Variants in LONP1 observed in about 807,000 individuals in gnomAD.
LONP1 encodes the protein lon protease homolog, mitochondrial.
A neutral mutation model predicts 98.5 loss-of-function variants in LONP1; 31 were observed. That is an observed-to-expected ratio of 0.31 (90% CI 0.24 to 0.42). LONP1 has a LOEUF of 0.42. LONP1 is among the 20% of genes least tolerant of loss of function. LONP1 has a pLI of 1.00. For missense variants in LONP1, 1,336 were observed against 1,350.6 expected (o/e 0.99, Z 0.17); for synonymous variants, 781 against 594.7 (o/e 1.31, Z -4.56).
chr19:5,694,155 G>C (rs1357765430), intron 15 of LONP1, among the ~76,000 whole-genome samples: 1 of 152,168 alleles, frequency 6.6e-6, no homozygotes, highest in Non-Finnish European at 1.5e-5. Flanking sequence ...TTACCTGTAA[G>C]CCTATCAAAG....
At chr19:5,697,767 T>C (rs7258451) in intron 10 of LONP1, among the ~76,000 whole-genome samples, 2,844 of 124,494 alleles carry the variant, frequency 0.023, 58 homozygotes, top group African/African-American at 0.055. Flanking sequence ...TGTCCTTGTC[T>C]CAGGAACCCA....
chr19:5,707,171 TG>T (rs1204397634), intron 6 of LONP1, 28 bp from the exon 7 acceptor site: 1 of 1,598,544 alleles, frequency 6.3e-7, no homozygotes, highest in Non-Finnish European at 8.6e-7. Context: ...ACAGAAAGGA[TG>T]AGCAGAAGTC....
chr19:5,708,743 G>A (rs1005407476), intron 4 of LONP1: 3 of 228,928 alleles, frequency 1.3e-5, no homozygotes, highest in Middle Eastern at 1.7e-3. Context: ...GCCGGGCGTG[G>A]TGGCTCACGC....
intron 13 of LONP1, among the ~76,000 whole-genome samples, 169 bp downstream of exon 13, chr19:5,695,884 AG>A (rs1341979315): frequency 1.3e-5 from 2 of 152,134 alleles, no homozygotes; most frequent in African/African-American, 4.8e-5. Flanking sequence ...CGCCACCTGC[AG>A]CTGCTCGCAA....
chr19:5,692,093 C>T lies in LONP1; in HGVS notation c.2819G>A (p.Arg940Gln), dbSNP rs558125416. The T allele has an allele frequency of 2.3e-5, 37 of 1,614,142 alleles. 1 individual carries two copies. In the South Asian group the frequency reaches 2.6e-4, roughly 11 times the overall value. ...GLEVHFVEHY[R>Q]EIFDIAFPDE... ...CGGGAAGGCGATGTCGAAGATCTCC[C>T]GGTAGTGTTCCACGAAGTGCACCTC... Residue 940 changes from arginine to glutamine, a missense_variant, in exon 18 of 18, where the codon CGG becomes CAG. Arg to Gln is a conservative substitution (Grantham distance 43, BLOSUM62 1). Coordinates refer to ENST00000360614, the MANE Select transcript of LONP1 (RefSeq NM_004793.4).
At chr19:5,720,174 C>T, upstream of LONP1, 2 of 1,383,930 alleles carry the variant, frequency 1.4e-6, no homozygotes, top group African/African-American at 1.5e-5. Context: ...GCGTCATTTC[C>T]GCTCGCCGCG....
At chr19:5,711,531 C>T (rs1241468180) in intron 4 of LONP1, among the ~76,000 whole-genome samples, 1 of 152,196 alleles carries the variant, frequency 6.6e-6, no homozygotes, top group East Asian at 1.9e-4. Flanking sequence ...AACCCTGTCT[C>T]CTTCCTGAGC....
At chr19:5,697,496 CAGAGGGAGGAGGGGGGGAGAGA>C (rs1189427325) in intron 10 of LONP1, among the ~76,000 whole-genome samples, 14 of 138,782 alleles carry the variant, frequency 1.0e-4, no homozygotes, top group Middle Eastern at 3.6e-3. Flanking sequence ...GAGGCTGAGG[CAGAGGGAGGAGGGGGGGAGAGA>C]AGAGGGAGGA....
chr19:5,708,522 C>T (rs538105981), intron 4 of LONP1, 119 bp from the exon 5 acceptor site: 66 of 425,024 alleles, frequency 1.6e-4, no homozygotes, highest in African/African-American at 1.1e-3. Flanking sequence ...TCCCCTCCGC[C>T]AACTGGCCCT....
In LONP1 at chr19:5,705,900, G is replaced by A; in HGVS notation, c.1239C>T (p.Asp413=). 6.2e-7 allele frequency: 1 copy of A among 1,614,152 alleles called. No individual in the cohort carries two copies. The highest frequency in any genetic ancestry group is 8.5e-7 in the Non-Finnish European group (1 of 1,180,038). The change falls in exon 8 of 18, where the codon GAC becomes GAT. Residue 413 remains aspartate, a synonymous_variant. Coordinates refer to ENST00000360614, the MANE Select transcript of LONP1 (RefSeq NM_004793.4). The part of the protein sequence containing the change: ...IKKELGLEKD[D]KDAIEEKFRE... ...GGAACTTCTCCTCGATGGCATCCTT[G>A]TCGTCCTTCTCCAGGCCCAGCTCCT... is the stretch of plus-strand genomic sequence containing the variant.
At chr19:5,711,646 G>T in intron 4 of LONP1, 125 bp downstream of exon 4, 1 of 748,480 alleles carries the variant, frequency 1.3e-6, no homozygotes, top group Non-Finnish European at 2.2e-6. Flanking sequence ...TTGAGTTCCA[G>T]ACAGGCCAGA....
Position 5,693,282 on chromosome 19 carries a change from G to A in LONP1, c.2703+16C>T, listed in dbSNP as rs1449095410. 2 of 1,602,724 alleles carry A rather than the reference G, an allele frequency of 1.2e-6. No individual in the cohort carries two copies. Among genetic ancestry groups the A allele is most frequent in the East Asian group, 2.2e-5 (1 of 44,594 alleles). On this transcript the variant is annotated intron_variant, in intron 17 of 17. Transcript: ENST00000360614. ...GGGCCCTGCCAGTGCTGTGGGGTGG[G>A]TACAGGGACACTCACCGCAATGGTC...
chr19:5,698,988 G>A, intron 10 of LONP1, 39 bp downstream of exon 10: 3 of 1,569,564 alleles, frequency 1.9e-6, no homozygotes, highest in Non-Finnish European at 2.6e-6. Context: ...CAGCACAGCT[G>A]AGGGGAGTGC....
At chr19:5,703,180 C>CAAAAA (rs35471644) in intron 8 of LONP1, among the ~76,000 whole-genome samples, 44 of 77,086 alleles carry the variant, frequency 5.7e-4, no homozygotes, top group African/African-American at 2.1e-3. Flanking sequence ...GACTCCATCT[C>CAAAAA]AAAAAAAAAA....
rs752895082 is a variant in LONP1 at position 5,696,376 on chromosome 19, G to A, written c.1774-5C>T. The A allele has an allele frequency of 1.2e-6, 2 of 1,612,246 alleles. No individual in the cohort carries two copies. Among genetic ancestry groups the A allele is most frequent in the South Asian group, 2.2e-5 (2 of 91,028 alleles). On this transcript the variant is annotated splice_polypyrimidine_tract_variant and splice_region_variant and intron_variant, in intron 11 of 17. Transcript: ENST00000360614. ...GCCTCGGCCGATCTTGTCCACCTGG[G>A]GCAGCAGACAGCAGGTGGTGCCCCT...
chr19:5,697,662 G>A (rs926234751), intron 10 of LONP1, among the ~76,000 whole-genome samples: 6 of 150,522 alleles, frequency 4.0e-5, no homozygotes, highest in African/African-American at 9.7e-5. Flanking sequence ...GGCTTTGACC[G>A]AGGAACGTGG....
intron 8 of LONP1, among the ~76,000 whole-genome samples, chr19:5,701,475 C>T (rs906901942): frequency 2.3e-4 from 35 of 152,304 alleles, no homozygotes; most frequent in African/African-American, 7.7e-4. Context: ...CGATTGCAGG[C>T]GCGCGCCGCC....
At chr19:5,702,482 T>TG (rs910182449) in intron 8 of LONP1, among the ~76,000 whole-genome samples, 4 of 134,158 alleles carry the variant, frequency 3.0e-5, no homozygotes, top group Admixed American at 7.3e-5. Context: ...GAGGGAGGAG[T>TG]GGGGGTCAGC....
chr19:5,704,403 G>A (rs558495727), intron 8 of LONP1, among the ~76,000 whole-genome samples: 3 of 152,156 alleles, frequency 2.0e-5, no homozygotes, highest in Non-Finnish European at 4.4e-5. Context: ...CACAGCCTTC[G>A]CGCGCAACCA....
Sources: gnomAD v4.1 joint callset for allele counts (sites outside exome capture counted in the v4.1 genomes callset) on GRCh38, gnomAD v4.1.1 for gene constraint, MANE v1.5 for transcripts, NCBI Gene and HGNC (gene_info 2026-07-23, HGNC 2026-07-21) for gene names.